Variants in HOOK2 observed in about 807,000 individuals in gnomAD.
The protein encoded by HOOK2 is hook microtubule tethering protein 2, also known as protein Hook homolog 2.
HOOK2 carries 108 observed loss-of-function variants against 111.9 expected under a neutral mutation model. The observed-to-expected ratio is 0.96, with a 90% CI of 0.83 to 1.13. The LOEUF is 1.13. Ranked by LOEUF, HOOK2 falls within the 50% of genes most tolerant of loss-of-function variation. The pLI, the probability that HOOK2 is intolerant of heterozygous loss-of-function variation, is 0.00. For missense variants in HOOK2, 978 were observed against 951.3 expected (o/e 1.03, Z -0.37); for synonymous variants, 405 against 394.3 (o/e 1.03, Z -0.32).
rs1403889306 is a variant in HOOK2, at chr19:12,765,683, G to A, written c.1640+7C>T. 1.9e-6 allele frequency: 3 copies of A among 1,614,086 alleles called. No individual in the cohort carries two copies. The highest frequency in any genetic ancestry group is 1.1e-5 in the South Asian group (1 of 91,074). ...CCCACGAGGAGTTCCCTCTTTCTGCGACTTACAAATGTTCCTCCAGCTTCC... is the reference window on the plus strand; with the variant it reads ...CCCACGAGGAGTTCCCTCTTTCTGCAACTTACAAATGTTCCTCCAGCTTCC... On this transcript the variant is annotated splice_region_variant and intron_variant, in intron 18 of 22. Transcript: ENST00000397668.
Position 12,766,117 on chromosome 19 carries a change from C to G in HOOK2, c.1497G>C (p.Leu499Phe). The G allele has an allele frequency of 1.2e-6, 2 of 1,602,254 alleles. No homozygotes were observed. Among genetic ancestry groups the G allele is most frequent in the South Asian group, 2.2e-5 (2 of 90,946 alleles). The change falls in exon 15 of 23, where the codon TTG (leucine) becomes TTC (phenylalanine). Residue 499 changes from leucine (L) to phenylalanine (F), a missense_variant. Leu to Phe is a conservative substitution (Grantham distance 22). Transcript: ENST00000397668. ...LEDANRARHG[L>F]ETQHRLNQQQ... is the part of the protein sequence containing the mutation. The stretch of plus-strand genomic sequence containing the variant: ...CAGGCGCTCACCGGTGCTGCGTCTC[C>G]AACCCGTGGCGCGCGCGGTTGGCAT...
Position 12,772,752 on chromosome 19 carries a change from C to A in HOOK2, c.388+28G>T, listed in dbSNP as rs747310798. 16 of 1,613,324 alleles carry A rather than the reference C, an allele frequency of 9.9e-6. No individual in the cohort carries two copies. In the South Asian group the frequency reaches 1.4e-4, roughly 14 times the overall value. ...AGGAAGGAGGATTTCCTCAGGCCAG[C>A]CCTGGGGACCCCCTAAGCTCCCCAT... On this transcript the variant is annotated intron_variant, in intron 5 of 22. Transcript: ENST00000397668.
In HOOK2 at chr19:12,772,789, T is replaced by G; in HGVS notation, c.379A>C (p.Lys127Gln). ...CCTAAGCTCCCCATACCCTGCTTTT[T>G]CTCGCAACTGATGGCACAGCCCAGC... is the stretch of plus-strand genomic sequence containing the variant. ...LVLGCAISCE[K>Q]KQDHIQRIMT... Residue 127 changes from lysine (K) to glutamine (Q), a missense_variant, in exon 5 of 23, where the codon AAA becomes CAA. This residue lies in a region of HOOK2 where 301 missense variants were observed against 286.1 expected (regional missense o/e 1.05). Coordinates refer to ENST00000397668, the MANE Select transcript of HOOK2 (RefSeq NM_013312.3). 2 of 1,614,186 alleles carry G rather than the reference T, an allele frequency of 1.2e-6. No homozygotes were observed.
chr19:12,772,029 C>G (rs1225868163), intron 7 of HOOK2, among the ~76,000 whole-genome samples, 161 bp downstream of exon 7: 2 of 152,114 alleles, frequency 1.3e-5, no homozygotes, highest in African/African-American at 2.4e-5. Context: ...GGCTTAAGGA[C>G]AAGCCCCTCC....
In HOOK2 at chr19:12,763,590, C is replaced by T. The variant is rs755799389; in HGVS notation, c.1948G>A (p.Glu650Lys). 8.1e-6 allele frequency: 13 copies of T among 1,614,120 alleles called. No homozygotes were observed. Among genetic ancestry groups the T allele is most frequent in the Non-Finnish European group, 1.0e-5 (12 of 1,180,054 alleles). The change falls in exon 22 of 23, where the codon GAG becomes AAG. Residue 650 changes from glutamate to lysine, a missense_variant. Around this residue, in one of 5 missense-constraint regions of HOOK2, gnomAD observed 277 missense variants for 265.8 expected, o/e 1.04. Coordinates refer to ENST00000397668, the MANE Select transcript of HOOK2 (RefSeq NM_013312.3). ...VRIRHLEMDF[E>K]KSRSQREQEE... ...TGCTCCCGCTGACTTCGGCTTTTCT[C>T]AAAGTCCATCTGTCAAGGAGGCAAG...
upstream of HOOK2, among the ~76,000 whole-genome samples, chr19:12,778,010 T>A (rs982449106): frequency 3.9e-5 from 6 of 152,172 alleles, no homozygotes; most frequent in Admixed American, 2.6e-4. Context: ...AGGTTCCGAG[T>A]GGACCGGGTT....
At chr19:12,765,867 AGGAGGGTTACTTCGGGGCACAAG>A (rs749381873) in intron 16 of HOOK2, 33 bp from the exon 17 acceptor site, 1 of 1,610,646 alleles carries the variant, frequency 6.2e-7, no homozygotes, top group South Asian at 1.1e-5. Context: ...TGGGAGAGAG[AGGAGGGTTACTTCGGGGCACAAG>A]GGAGGGCCAG....
intron 4 of HOOK2, 29 bp from the exon 5 acceptor site, chr19:12,772,941 T>C (rs755498981): frequency 1.9e-6 from 3 of 1,614,206 alleles, no homozygotes; most frequent in South Asian, 1.1e-5. Flanking sequence ...CAGGGGCTCA[T>C]GGGCCCACCC....
At chr19:12,767,256 TG>T (rs1968181852) in intron 14 of HOOK2, 138 bp downstream of exon 14, 2 of 671,760 alleles carry the variant, frequency 3.0e-6, no homozygotes, top group East Asian at 5.4e-5. Flanking sequence ...CAGGAGTAAG[TG>T]GGCCTAGGAG....
chr19:12,772,364 C>T (rs1014818814), intron 6 of HOOK2, 112 bp from the exon 7 acceptor site: 6 of 1,233,776 alleles, frequency 4.9e-6, no homozygotes, highest in Admixed American at 1.7e-5. Context: ...CCAGTTCTGC[C>T]CAATAACCCC....
In HOOK2 at chr19:12,773,059, G is replaced by C. The variant is rs1446826553; in HGVS notation, c.205-15C>G. 1 of 1,613,912 alleles carries C rather than the reference G, an allele frequency of 6.2e-7. No individual in the cohort carries two copies. The highest frequency in any genetic ancestry group is 1.7e-5 in the Admixed American group (1 of 59,998). ...AGATTGCTGACCTAGGGAGGAACAA[G>C]GAACTGTGGACAAGTTCAGAGGCCT... On this transcript the variant is annotated splice_polypyrimidine_tract_variant and intron_variant, in intron 3 of 22. Transcript: ENST00000397668.
chr19:12,775,100 G>A, intron 1 of HOOK2: 3 of 850,468 alleles, frequency 3.5e-6, no homozygotes, highest in Non-Finnish European at 4.2e-6. Context: ...AACAAACCCT[G>A]CGCGTCCAGG....
At chr19:12,781,496 T>G (rs1968601494), upstream of HOOK2, among the ~76,000 whole-genome samples, 1 of 151,150 alleles carries the variant, frequency 6.6e-6, no homozygotes, top group Admixed American at 6.6e-5. Context: ...CTGGCTAATT[T>G]TTTGTATTTT....
chr19:12,768,938 C>T (rs572415972), intron 11 of HOOK2, among the ~76,000 whole-genome samples: 110 of 151,698 alleles, frequency 7.3e-4, no homozygotes, highest in African/African-American at 2.5e-3. Flanking sequence ...GCTGGGATTA[C>T]AGGCGCGCGC....
chr19:12,767,932 C>G, intron 12 of HOOK2, 29 bp from the exon 13 acceptor site: 1 of 1,611,020 alleles, frequency 6.2e-7, no homozygotes. Flanking sequence ...AGACACTCCA[C>G]GGGTCAGGCT....
At position 12,770,051 on chromosome 19, in the gene HOOK2, C is replaced by T; in HGVS notation, c.934G>A (p.Ala312Thr). ...CGGCGCCGGCAACTGGTCAGCGTGG[C>T]CTCCAGCTGCCCAGCACGCTCCGAA... Reference protein sequence around the residue: ...QSSERAGQLEATLTSCRRRLG... With the variant: ...QSSERAGQLETTLTSCRRRLG... Residue 312 changes from alanine to threonine, a missense_variant, in exon 11 of 23, where the codon GCC becomes ACC. Physicochemically the swap from Ala to Thr is moderately conservative, Grantham distance 58 (BLOSUM62 0). This residue lies in a region of HOOK2 where 388 missense variants were observed against 358.3 expected (regional missense o/e 1.08). Coordinates refer to ENST00000397668, the MANE Select transcript of HOOK2 (RefSeq NM_013312.3). The T allele has an allele frequency of 2.6e-6, 4 of 1,536,774 alleles. No individual in the cohort carries two copies. The highest frequency in any genetic ancestry group is 3.5e-6 in the Non-Finnish European group (4 of 1,144,900).
chr19:12,781,943 G>T (rs967724300), upstream of HOOK2, among the ~76,000 whole-genome samples: 2 of 151,764 alleles, frequency 1.3e-5, no homozygotes, highest in Non-Finnish European at 2.9e-5. Context: ...GGCCTCAAGT[G>T]ATCCTCTCGC....
Position 12,769,930 on chromosome 19 carries a change from AGCTCATCCTCCAGTTGTC to A in HOOK2, c.1037_1054del (p.Arg346_Glu351del). 6.4e-7 allele frequency: 1 copy of A among 1,554,534 alleles called. No individual in the cohort carries two copies. The highest frequency in any genetic ancestry group is 8.6e-7 in the Non-Finnish European group (1 of 1,158,184). On this transcript the variant is annotated inframe_deletion, in exon 11 of 23. Transcript: ENST00000397668. ...GGCGCGCAGGGAGCCCGCTCGGCGT[AGCTCATCCTCCAGTTGTC>A]GCGTGCGCTCGGCGTGGCCGGCGTT...
At chr19:12,770,855 A>G (rs1488706815) in intron 10 of HOOK2, 77 bp downstream of exon 10, 3 of 1,503,316 alleles carry the variant, frequency 2.0e-6, no homozygotes, top group African/African-American at 2.8e-5. Context: ...CAGAGCTGCT[A>G]TGGCATCAGA....
Sources: gnomAD v4.1 joint callset for allele counts (sites outside exome capture counted in the v4.1 genomes callset) on GRCh38, gnomAD v4.1.1 for gene constraint, gnomAD v4.1.1 regional missense constraint, MANE v1.5 for transcripts, NCBI Gene and HGNC (gene_info 2026-07-23, HGNC 2026-07-21) for gene names.